The following TIAM1 variants were observed in gnomAD, a reference collection of about 807,000 sequenced individuals.
TIAM1 encodes TIAM Rac1 associated GEF 1.
Under a neutral mutation model 163.5 loss-of-function variants are expected in TIAM1, and 65 were observed. The ratio of observed to expected loss-of-function variants is 0.40; its 90% confidence interval spans 0.33 to 0.49. The LOEUF (loss-of-function observed/expected upper bound fraction) is 0.49. Among genes scored for constraint, TIAM1 ranks in the 20% least tolerant of loss-of-function variants. TIAM1 has a pLI of 0.77. For missense variants in TIAM1, 1,789 were observed against 2,044.7 expected (o/e 0.87, Z 2.41); for synonymous variants, 833 against 810.1 (o/e 1.03, Z -0.48).
At chr21:31,206,686 C>T (rs1039982685) in intron 11 of TIAM1, among the ~76,000 whole-genome samples, 4 of 152,030 alleles carry the variant, frequency 2.6e-5, no homozygotes, top group Non-Finnish European at 4.4e-5. Flanking sequence ...TTTTTAAATT[C>T]GCATCTTACT....
At chr21:31,216,568 CAACA>C (rs2087225178) in intron 9 of TIAM1, among the ~76,000 whole-genome samples, 1 of 152,170 alleles carries the variant, frequency 6.6e-6, no homozygotes, top group Admixed American at 6.5e-5. Context: ...AAGACAGTAA[CAACA>C]GACAGTGGGC....
intron 2 of TIAM1, among the ~76,000 whole-genome samples, chr21:31,285,595 C>A (rs921638304): frequency 2.6e-5 from 4 of 152,152 alleles, no homozygotes; most frequent in Admixed American, 6.5e-5. Context: ...CATGGTGGCT[C>A]ACATCTGTAA....
At chr21:31,420,626 G>C (rs1269728933) in intron 2 of TIAM1, among the ~76,000 whole-genome samples, 1 of 152,172 alleles carries the variant, frequency 6.6e-6, no homozygotes, top group Non-Finnish European at 1.5e-5. Flanking sequence ...GTTAGTGTTG[G>C]ATGTGGTTTT....
At chr21:31,454,824 A>G (rs1325410459) in intron 2 of TIAM1, among the ~76,000 whole-genome samples, 4 of 152,158 alleles carry the variant, frequency 2.6e-5, no homozygotes, top group Non-Finnish European at 5.9e-5. Flanking sequence ...CATGTGTGTG[A>G]AGATGTAACT....
At chr21:31,325,479 C>T (rs184019925) in intron 2 of TIAM1, among the ~76,000 whole-genome samples, 1 of 151,736 alleles carries the variant, frequency 6.6e-6, no homozygotes, top group African/African-American at 2.4e-5. Context: ...ACCAGCCTGG[C>T]CAACACGGCA....
chr21:31,537,980 G>C (rs908900079), intron 1 of TIAM1, among the ~76,000 whole-genome samples: 1 of 152,112 alleles, frequency 6.6e-6, no homozygotes, highest in Non-Finnish European at 1.5e-5. Flanking sequence ...AACAGTGAAC[G>C]AAAGACACCA....
At chr21:31,335,535 T>C (rs998810006) in intron 2 of TIAM1, among the ~76,000 whole-genome samples, 6 of 151,956 alleles carry the variant, frequency 3.9e-5, no homozygotes, top group Admixed American at 1.3e-4. Context: ...TGAAACCCTG[T>C]CTCTATTAAA....
intron 4 of TIAM1, among the ~76,000 whole-genome samples, chr21:31,261,133 G>A (rs912274907): frequency 4.0e-5 from 6 of 150,930 alleles, no homozygotes; most frequent in Admixed American, 2.0e-4. Flanking sequence ...TCATCAACGC[G>A]ACTACTTGCT....
chr21:31,123,225 C>G (rs1427352020), intron 27 of TIAM1, among the ~76,000 whole-genome samples: 1 of 152,188 alleles, frequency 6.6e-6, no homozygotes. Context: ...CATTGATTAA[C>G]AACTGAAACA....
intron 2 of TIAM1, among the ~76,000 whole-genome samples, chr21:31,455,466 G>A (rs1460000559): frequency 6.6e-6 from 1 of 150,822 alleles, no homozygotes; most frequent in Non-Finnish European, 1.5e-5. Context: ...ACACTGGAGT[G>A]CAGTGGTATG....
intron 2 of TIAM1, among the ~76,000 whole-genome samples, chr21:31,335,927 G>C (rs2075824233): frequency 6.6e-6 from 1 of 152,176 alleles, no homozygotes; most frequent in Non-Finnish European, 1.5e-5. Context: ...CCACCAAGTA[G>C]ACTTGGAGAT....
chr21:31,284,514 AT>A, intron 2 of TIAM1, among the ~76,000 whole-genome samples: 1 of 151,758 alleles, frequency 6.6e-6, no homozygotes, highest in Non-Finnish European at 1.5e-5. Flanking sequence ...CAGGAAAGGA[AT>A]TTTTTTATTT....
chr21:31,493,852 G>A (rs1011196590), intron 1 of TIAM1, among the ~76,000 whole-genome samples: 2 of 152,138 alleles, frequency 1.3e-5, no homozygotes, highest in African/African-American at 4.8e-5. Context: ...TGGGTAGAGC[G>A]TAGACAGCTC....
chr21:31,536,556 T>C (rs990296058), intron 1 of TIAM1, among the ~76,000 whole-genome samples: 2 of 152,230 alleles, frequency 1.3e-5, no homozygotes, highest in Non-Finnish European at 2.9e-5. Context: ...ATTAGGTTGG[T>C]TAAAAGTAAT....
chr21:31,154,437 C>T lies in TIAM1; in HGVS notation c.2992-11G>A. 1.2e-6 allele frequency: 2 copies of T among 1,609,866 alleles called. No individual in the cohort carries two copies. Among genetic ancestry groups the T allele is most frequent in the Non-Finnish European group, 1.7e-6 (2 of 1,177,040 alleles). On this transcript the variant is annotated splice_polypyrimidine_tract_variant and intron_variant, in intron 16 of 27. Transcript: ENST00000541036. ...CACCTGTTCTGTACTCTTCGGAGCA[C>T]AGGGGGGAAGGGAAGGCAGAGGTCA...
chr21:31,141,446 G>A lies in TIAM1; in HGVS notation c.3534C>T (p.His1178=), dbSNP rs761029042. The change falls in exon 21 of 28, where the codon CAC becomes CAT. Residue 1178 remains histidine (H), a synonymous_variant. Coordinates refer to ENST00000541036, the MANE Select transcript of TIAM1 (RefSeq NM_001353694.2). The surrounding 1 kb of genome is among the most constrained non-coding windows in gnomAD (Gnocchi z 4.7). ...FLDAQNPKQQ[H]SSTLESYLIK... is the part of the protein sequence containing the mutation. ...TGAGGTACGACTCCAGCGTGGATGA[G>A]TGCTGCTGCTTCGGGTTCTGGGCAT... is the stretch of plus-strand genomic sequence containing the variant. 2 of 1,614,252 alleles carry A rather than the reference G, an allele frequency of 1.2e-6. No homozygotes were observed. Among genetic ancestry groups the A allele is most frequent in the African/African-American group, 1.3e-5 (1 of 75,070 alleles).
intron 2 of TIAM1, among the ~76,000 whole-genome samples, chr21:31,305,815 A>T (rs79711082): frequency 1.6e-4 from 24 of 152,228 alleles, no homozygotes; most frequent in Non-Finnish European, 5.9e-5. Context: ...GGAAAAAAAA[A>T]TGTCTATGGC....
At chr21:31,256,928 G>A (rs1180280894) in intron 4 of TIAM1, among the ~76,000 whole-genome samples, 7 of 152,034 alleles carry the variant, frequency 4.6e-5, no homozygotes, top group African/African-American at 1.7e-4. Flanking sequence ...CTTACATCTT[G>A]GCCCAAGGAG....
rs2044414321 is a variant in TIAM1, at chr21:31,441,466, T to C, written c.-369+22517A>G. 3.9e-5 allele frequency among the ~76,000 whole-genome samples: 6 copies of C among 152,290 alleles called. No individual in the cohort carries two copies. In the South Asian group the frequency reaches 1.2e-3, roughly 32 times the overall value. On this transcript the variant is annotated intron_variant, in intron 2 of 28. Coordinates refer to the TIAM1 transcript ENST00000286827. ...CACAAACCTGCAAGCACTTTCCCCT[T>C]CTAGGACTTGAGTCCCAGGAATATG...
Sources: gnomAD v4.1 joint callset for allele counts (sites outside exome capture counted in the v4.1 genomes callset) on GRCh38, gnomAD v4.1.1 for gene constraint, Gnocchi (gnomAD v3.1) non-coding constraint, MANE v1.5 for transcripts, NCBI Gene and HGNC (gene_info 2026-07-23, HGNC 2026-07-21) for gene names.